Variants in SORCS3 observed in about 807,000 individuals in gnomAD.
The protein encoded by SORCS3 is VPS10 domain-containing receptor SorCS3.
A neutral mutation model predicts 146.3 loss-of-function variants in SORCS3; 57 were observed. That is an observed-to-expected ratio of 0.39 (90% confidence interval 0.31 to 0.49). The LOEUF (loss-of-function observed/expected upper bound fraction) is 0.49. SORCS3 is among the 20% of genes least tolerant of loss of function. SORCS3 has a pLI of 0.92. For synonymous variants in SORCS3, 653 were observed against 618.5 expected (o/e 1.06, Z -0.83); for missense variants, 1,341 against 1,575.5 (o/e 0.85, Z 2.52).
intron 1 of SORCS3, among the ~76,000 whole-genome samples, chr10:104,758,001 T>G (rs752053): frequency 0.81 from 123,648 of 152,062 alleles, 50,748 homozygotes; most frequent in East Asian, 0.94. Context: ...CTCACATCAG[T>G]CTGGAACATA....
chr10:105,187,703 G>A (rs1473688881), intron 14 of SORCS3, among the ~76,000 whole-genome samples: 2 of 152,146 alleles, frequency 1.3e-5, no homozygotes, highest in African/African-American at 2.4e-5. Flanking sequence ...AAGAGGATTC[G>A]GGAGTCCACA....
chr10:105,082,109 A>G (rs886301221), intron 5 of SORCS3, among the ~76,000 whole-genome samples: 1 of 152,252 alleles, frequency 6.6e-6, no homozygotes, highest in Non-Finnish European at 1.5e-5. Flanking sequence ...GAGGTCAAGC[A>G]TTGTGTCTAA....
intron 13 of SORCS3, among the ~76,000 whole-genome samples, chr10:105,175,015 C>T (rs192955410): frequency 1.3e-5 from 2 of 152,110 alleles, no homozygotes; most frequent in African/African-American, 4.8e-5. Context: ...ATGGCACTCA[C>T]TGCAATTTGC....
At chr10:104,702,474 G>T (rs2016290883) in intron 1 of SORCS3, among the ~76,000 whole-genome samples, 1 of 152,104 alleles carries the variant, frequency 6.6e-6, no homozygotes, top group African/African-American at 2.4e-5. Context: ...TTTCAGTAGA[G>T]ATGGGGTTTC....
chr10:104,666,129 C>T (rs1481493262), intron 1 of SORCS3: 1 of 152,212 alleles, frequency 6.6e-6, no homozygotes, highest in African/African-American at 2.4e-5. Context: ...AACTTTCCCT[C>T]TGGTCATTCC....
chr10:104,653,447 C>T lies in SORCS3; in HGVS notation c.627+11493C>T, dbSNP rs566726443. On this transcript the variant is annotated intron_variant, in intron 1 of 26. Coordinates refer to ENST00000369701, the MANE Select transcript of SORCS3 (RefSeq NM_014978.3). ...GGATTAGTGCCTCTGTTTTTTGGAT[C>T]CCATTCCTCTGTTGTGGGCTGCTTT... is the stretch of plus-strand genomic sequence containing the variant. Among the ~76,000 whole-genome samples the T allele has an allele frequency of 2.3e-4, 35 of 152,070 alleles. No homozygotes were observed. In the Middle Eastern group the frequency reaches 0.031, roughly 133 times the overall value.
chr10:104,770,117 C>T (rs2017229907), intron 1 of SORCS3, among the ~76,000 whole-genome samples: 1 of 152,162 alleles, frequency 6.6e-6, no homozygotes, highest in African/African-American at 2.4e-5. Flanking sequence ...CTCTCAAGGA[C>T]TCCAATTCGG....
intron 5 of SORCS3, among the ~76,000 whole-genome samples, chr10:105,052,578 C>T (rs2055420827): frequency 1.3e-5 from 2 of 152,066 alleles, no homozygotes; most frequent in African/African-American, 4.8e-5. Context: ...AAAACCCCCA[C>T]ATAAAGAGAC....
chr10:104,641,527 A>G lies in SORCS3; in HGVS notation c.200A>G (p.Gln67Arg). 7 of 1,473,428 alleles carry G rather than the reference A, an allele frequency of 4.8e-6. No individual in the cohort carries two copies. The highest frequency in any genetic ancestry group is 6.2e-6 in the Non-Finnish European group (7 of 1,121,344). 91.3% of individuals were successfully genotyped at this position (1,473,428 alleles called of 1,614,324 possible). The change falls in exon 1 of 27, where the codon CAG (glutamine) becomes CGG (arginine). Residue 67 changes from glutamine (Q) to arginine (R), a missense_variant. Gln to Arg is a conservative substitution (Grantham distance 43). Transcript: ENST00000369701. The surrounding 1 kb of genome is among the most constrained non-coding windows in gnomAD (Gnocchi z 6.4). ...SPLSPRAVAS[Q>R]WPEELASARR... is the part of the protein sequence containing the mutation. ...CTCTCGCCGCGGGCAGTGGCCAGCC[A>G]GTGGCCGGAGGAGCTGGCGTCGGCG...
Position 105,210,848 on chromosome 10 carries a change from A to G in SORCS3, c.2262-289A>G, listed in dbSNP as rs547932781. Among the ~76,000 whole-genome samples, 36 of 152,326 alleles carry G rather than the reference A, an allele frequency of 2.4e-4. No individual in the cohort carries two copies. The East Asian group carries it at 5.2e-3, about 22-fold the overall frequency. ...ACAGCATCCTCCGCATTTACTCCCA[A>G]GCCAATGTACCTGCCACATTATTTA... On this transcript the variant is annotated intron_variant, in intron 16 of 26. Transcript: ENST00000369701.
intron 13 of SORCS3, among the ~76,000 whole-genome samples, chr10:105,172,700 C>A (rs2056370020): frequency 6.6e-6 from 1 of 152,068 alleles, no homozygotes; most frequent in African/African-American, 2.4e-5. Context: ...TTGCTTTTTA[C>A]CTTTAATTAC....
chr10:104,641,994 CA>C lies in SORCS3; in HGVS notation c.627+41del. 1 of 925,804 alleles carries C rather than the reference CA, an allele frequency of 1.1e-6. No individual in the cohort carries two copies. Among genetic ancestry groups the C allele is most frequent in the Non-Finnish European group, 1.5e-6 (1 of 679,636 alleles). The allele number at this position is 925,804 out of a possible 1,614,324, so 57.3% of individuals were successfully genotyped here. A position where few individuals can be genotyped will look rare whatever the true frequency, so the allele number is the denominator to read the frequency against. On this transcript the variant is annotated intron_variant, in intron 1 of 26. Coordinates refer to ENST00000369701, the MANE Select transcript of SORCS3 (RefSeq NM_014978.3). The surrounding 1 kb of genome is among the most constrained non-coding windows in gnomAD (Gnocchi z 6.4). Reference sequence around the variant, plus strand: ...GGCGGCGGGTCCGCCTGTTTCCTGACACCGAAGGGGAATGGGGGGGTGGGTG... The same window carrying C: ...GGCGGCGGGTCCGCCTGTTTCCTGACCCGAAGGGGAATGGGGGGGTGGGTG...
intron 1 of SORCS3, among the ~76,000 whole-genome samples, chr10:104,783,173 G>T (rs183438656): frequency 6.6e-6 from 1 of 152,260 alleles, no homozygotes; most frequent in African/African-American, 2.4e-5. Flanking sequence ...ATGTCCATAT[G>T]TGCGGATTGT....
intron 17 of SORCS3, among the ~76,000 whole-genome samples, chr10:105,211,884 G>A (rs1042668479): frequency 6.6e-6 from 1 of 152,190 alleles, no homozygotes; most frequent in African/African-American, 2.4e-5. Flanking sequence ...CCTCTCAAAT[G>A]TTAATGTGCC....
chr10:104,667,583 C>T (rs1564654945), intron 1 of SORCS3, among the ~76,000 whole-genome samples: 1 of 152,184 alleles, frequency 6.6e-6, no homozygotes, highest in Non-Finnish European at 1.5e-5. Flanking sequence ...CTACATTTTT[C>T]ACAGTTAAAA....
At chr10:104,822,864 AC>A (rs1233142565) in intron 1 of SORCS3, among the ~76,000 whole-genome samples, 1 of 152,058 alleles carries the variant, frequency 6.6e-6, no homozygotes, top group East Asian at 1.9e-4. Context: ...ATCTACACCT[AC>A]CCCAACTTCC....
At chr10:104,976,918 G>A (rs2054901664) in intron 3 of SORCS3, among the ~76,000 whole-genome samples, 1 of 152,084 alleles carries the variant, frequency 6.6e-6, no homozygotes, top group African/African-American at 2.4e-5. Context: ...GTGGGGTGGG[G>A]GAAGGTGGGA....
intron 5 of SORCS3, among the ~76,000 whole-genome samples, chr10:105,083,368 G>C (rs2055638297): frequency 6.6e-6 from 1 of 151,920 alleles, no homozygotes; most frequent in Non-Finnish European, 1.5e-5. Context: ...GTTCTGCACT[G>C]AATACTGCTC....
intron 2 of SORCS3, among the ~76,000 whole-genome samples, chr10:104,883,978 G>T (rs11192220): frequency 3.4e-5 from 5 of 146,214 alleles, no homozygotes; most frequent in African/African-American, 8.0e-5. Context: ...TGTGGAATGA[G>T]GGGGGGGAAA....
Sources: allele counts gnomAD v4.1 joint callset (sites outside exome capture counted in the v4.1 genomes callset), GRCh38; gene constraint gnomAD v4.1.1; non-coding constraint Gnocchi (gnomAD v3.1); transcripts MANE v1.5; gene names NCBI Gene and HGNC (gene_info 2026-07-23, HGNC 2026-07-21).